Variants in SEC22A observed in about 807,000 individuals in gnomAD.
SEC22A encodes the protein SEC22 homolog A, vesicle trafficking protein.
A neutral mutation model predicts 35.3 loss-of-function variants in SEC22A; 22 were observed. The observed-to-expected ratio is 0.62, with a 90% CI of 0.45 to 0.89. The LOEUF (loss-of-function observed/expected upper bound fraction) is 0.89, where lower values mean the gene tolerates loss of function less well. Among genes scored for constraint, SEC22A ranks in the 40% least tolerant of loss-of-function variants. The probability of loss-of-function intolerance (pLI) is 0.00; values close to 1 mark genes in which losing one functional copy is unlikely to be tolerated. For missense variants in SEC22A, 354 were observed against 362.5 expected (o/e 0.98, Z 0.19); for synonymous variants, 119 against 129.5 (o/e 0.92, Z 0.55).
At chr3:123,232,555 A>C (rs1937340651) in intron 4 of SEC22A, among the ~76,000 whole-genome samples, 1 of 152,142 alleles carries the variant, frequency 6.6e-6, no homozygotes. Flanking sequence ...GTTCCAAAAA[A>C]ACAGTAAAGG....
intron 4 of SEC22A, among the ~76,000 whole-genome samples, chr3:123,236,491 T>C (rs1937420835): frequency 6.6e-6 from 1 of 152,192 alleles, no homozygotes; most frequent in Non-Finnish European, 1.5e-5. Flanking sequence ...AGAGCTACTT[T>C]TTCCTTTGGT....
chr3:123,239,286 T>G (rs1456856959), intron 4 of SEC22A, among the ~76,000 whole-genome samples: 1 of 152,170 alleles, frequency 6.6e-6, no homozygotes, highest in African/African-American at 2.4e-5. Flanking sequence ...AACTTTTATT[T>G]TTTTTCCACT....
Position 123,271,809 on chromosome 3 carries a change from C to T in SEC22A, c.*87C>T, listed in dbSNP as rs2108116871. On this transcript the variant is annotated 3_prime_UTR_variant, in exon 7 of 7. Transcript: ENST00000492595. ...GCACTGTGATGAAGAAGCTGTTCCC[C>T]ACAGAGGAGAAGCTCTGCTTTCTTT... 1 of 1,095,090 alleles carries T rather than the reference C, an allele frequency of 9.1e-7. No individual in the cohort carries two copies. Among genetic ancestry groups the T allele is most frequent in the Non-Finnish European group, 1.3e-6 (1 of 749,428 alleles). 67.8% of individuals were successfully genotyped at this position (1,095,090 alleles called of 1,614,324 possible).
chr3:123,225,136 A>G lies in SEC22A; in HGVS notation c.380A>G (p.Asn127Ser). The G allele has an allele frequency of 1.2e-6, 2 of 1,612,554 alleles. No homozygotes were observed. Among genetic ancestry groups the G allele is most frequent in the Middle Eastern group, 1.7e-4 (1 of 6,050 alleles). Residue 127 changes from asparagine to serine, a missense_variant, in exon 4 of 7, where the codon AAT becomes AGT. Physicochemically the swap from Asn to Ser is conservative, Grantham distance 46 (BLOSUM62 1). Transcript: ENST00000492595. ...NFIQRTKQRY[N>S]NPRSLSTKIN... ...ATTCAGAGGACCAAGCAGCGATATAATAATCCCAGGTCTCTTTCAACAAAG... is the reference window on the plus strand; with the variant it reads ...ATTCAGAGGACCAAGCAGCGATATAGTAATCCCAGGTCTCTTTCAACAAAG...
intron 5 of SEC22A, among the ~76,000 whole-genome samples, chr3:123,251,468 G>A (rs1226640809): frequency 2.6e-5 from 4 of 152,134 alleles, no homozygotes; most frequent in African/African-American, 9.7e-5. Flanking sequence ...TTAGCTATCT[G>A]GAAAATGAGG....
At position 123,262,886 on chromosome 3, in the gene SEC22A, G is replaced by A. The variant is rs192948966; in HGVS notation, c.723+3297G>A. Among the ~76,000 whole-genome samples, 978 of 152,202 alleles carry A rather than the reference G, an allele frequency of 6.4e-3. 31 individuals carry two copies. The highest frequency in any genetic ancestry group is 0.058 in the Admixed American group (884 of 15,286). On this transcript the variant is annotated intron_variant, in intron 6 of 6. Transcript: ENST00000492595. ...TATTTTGGGATAATTGTAGATTTAC[G>A]TGGAGTTGCAAGAGAGATCTTACGT...
intron 1 of SEC22A, among the ~76,000 whole-genome samples, chr3:123,203,862 C>T (rs540641945): frequency 6.6e-6 from 1 of 152,258 alleles, no homozygotes; most frequent in Non-Finnish European, 1.5e-5. Context: ...CACATTTGAG[C>T]ATGTATTGGG....
At chr3:123,244,695 G>A (rs573263587) in intron 4 of SEC22A, among the ~76,000 whole-genome samples, 96 of 152,174 alleles carry the variant, frequency 6.3e-4, no homozygotes, top group Non-Finnish European at 1.1e-3. Flanking sequence ...TGCTATAATG[G>A]CTGAATATAA....
chr3:123,247,074 T>C (rs1937573049), intron 5 of SEC22A, among the ~76,000 whole-genome samples: 1 of 152,226 alleles, frequency 6.6e-6, no homozygotes, highest in African/African-American at 2.4e-5. Flanking sequence ...AGCTGGCTGC[T>C]GTCCCTCGGC....
chr3:123,253,874 G>T (rs1937657259), intron 5 of SEC22A, among the ~76,000 whole-genome samples: 1 of 151,590 alleles, frequency 6.6e-6, no homozygotes, highest in African/African-American at 2.4e-5. Flanking sequence ...CATTGTTAAA[G>T]AATTAGGAGA....
Position 123,242,998 on chromosome 3 carries a change from A to G in SEC22A, c.542-2901A>G, listed in dbSNP as rs114428100. Among the ~76,000 whole-genome samples the G allele has an allele frequency of 8.0e-3, 1,220 of 152,142 alleles. 8 individuals carry two copies. Among genetic ancestry groups the G allele is most frequent in the African/African-American group, 0.027 (1,141 of 41,498 alleles). The stretch of plus-strand genomic sequence containing the variant: ...GAATCTTGTTCTTCAGTGGTTCCCC[A>G]TTGTCTAATTTTCCATAATTCTTAG... On this transcript the variant is annotated intron_variant, in intron 4 of 6. Transcript: ENST00000492595.
intron 6 of SEC22A, among the ~76,000 whole-genome samples, chr3:123,263,710 C>T (rs929797086): frequency 2.0e-5 from 3 of 152,072 alleles, no homozygotes; most frequent in African/African-American, 7.2e-5. Context: ...GATGGGGTTT[C>T]ACCATGTTGG....
At chr3:123,217,481 G>C (rs1937050496) in intron 2 of SEC22A, among the ~76,000 whole-genome samples, 2 of 151,928 alleles carry the variant, frequency 1.3e-5, no homozygotes, top group African/African-American at 4.8e-5. Context: ...CCAAAGTGCT[G>C]GGATTACAGG....
At chr3:123,202,432 G>C (rs1936765948) in intron 1 of SEC22A, among the ~76,000 whole-genome samples, 1 of 152,144 alleles carries the variant, frequency 6.6e-6, no homozygotes, top group Admixed American at 6.5e-5. Context: ...TTTCTTTTAG[G>C]CAGAATGGGA....
chr3:123,205,972 ATATT>A (rs1325583447), intron 1 of SEC22A, among the ~76,000 whole-genome samples: 2 of 152,214 alleles, frequency 1.3e-5, no homozygotes, highest in Non-Finnish European at 2.9e-5. Flanking sequence ...CATGGATCAT[ATATT>A]TATTGATCTG....
intron 2 of SEC22A, among the ~76,000 whole-genome samples, chr3:123,217,386 T>A (rs898047193): frequency 1.3e-5 from 2 of 151,530 alleles, no homozygotes; most frequent in Non-Finnish European, 2.9e-5. Flanking sequence ...TTTTTTTATT[T>A]TTTTTTTTAG....
At chr3:123,221,746 T>G (rs1937128572) in intron 2 of SEC22A, among the ~76,000 whole-genome samples, 1 of 146,874 alleles carries the variant, frequency 6.8e-6, no homozygotes, top group South Asian at 2.2e-4. Context: ...ATTTTTTCAT[T>G]TTTAATTTCT....
At chr3:123,245,318 G>T (rs553288846) in intron 4 of SEC22A, among the ~76,000 whole-genome samples, 1 of 152,162 alleles carries the variant, frequency 6.6e-6, no homozygotes, top group Admixed American at 6.6e-5. Flanking sequence ...ATGCAGTAAG[G>T]TTTTTTCTAA....
intron 1 of SEC22A, among the ~76,000 whole-genome samples, chr3:123,204,157 C>T (rs1936807700): frequency 6.6e-6 from 1 of 152,148 alleles, no homozygotes; most frequent in Non-Finnish European, 1.5e-5. Context: ...AAATTCTCCC[C>T]AAATTTTCAC....
Sources: gnomAD v4.1 joint callset for allele counts (sites outside exome capture counted in the v4.1 genomes callset) on GRCh38, gnomAD v4.1.1 for gene constraint, MANE v1.5 for transcripts, NCBI Gene and HGNC (gene_info 2026-07-23, HGNC 2026-07-21) for gene names.